ZFAND3: variants seen among roughly 807,000 people sequenced by gnomAD.
ZFAND3 encodes the protein AN1-type zinc finger protein 3.
ZFAND3 carries 10 observed loss-of-function variants against 29.6 expected under a neutral mutation model. That is an observed-to-expected ratio of 0.34 (90% CI 0.21 to 0.57). The LOEUF (loss-of-function observed/expected upper bound fraction) is 0.57, where lower values mean the gene tolerates loss of function less well. ZFAND3 is among the 20% of genes least tolerant of loss of function. ZFAND3 has a pLI of 0.86. For missense variants in ZFAND3, 230 were observed against 304.5 expected (o/e 0.76, Z 1.82); for synonymous variants, 128 against 112.6 (o/e 1.14, Z -0.87).
At chr6:37,831,099 G>C (rs939488579) in intron 1 of ZFAND3, among the ~76,000 whole-genome samples, 2 of 152,180 alleles carry the variant, frequency 1.3e-5, no homozygotes, top group African/African-American at 4.8e-5. Context: ...AATCAAAGAC[G>C]TGAGTTTACC....
intron 1 of ZFAND3, among the ~76,000 whole-genome samples, chr6:37,876,479 AAAATATAGAAG>A (rs1302755443): frequency 6.6e-6 from 1 of 152,228 alleles, no homozygotes; most frequent in African/African-American, 2.4e-5. Context: ...GACTGCCAAT[AAAATATAGAAG>A]AAAATAGAGA....
At chr6:37,893,042 TACAC>T (rs144349192) in intron 1 of ZFAND3, among the ~76,000 whole-genome samples, 10 of 151,582 alleles carry the variant, frequency 6.6e-5, no homozygotes, top group Non-Finnish European at 1.2e-4. Context: ...ATACCAGTTC[TACAC>T]ACACACACAC....
At chr6:37,995,789 C>A (rs1762839377) in intron 2 of ZFAND3, among the ~76,000 whole-genome samples, 1 of 151,876 alleles carries the variant, frequency 6.6e-6, no homozygotes, top group Non-Finnish European at 1.5e-5. Context: ...TTAAAGGAAA[C>A]TATCAAATTA....
At chr6:38,089,970 C>T (rs753065758) in intron 4 of ZFAND3, among the ~76,000 whole-genome samples, 5 of 152,194 alleles carry the variant, frequency 3.3e-5, no homozygotes, top group Admixed American at 6.5e-5. Flanking sequence ...TCTCCTGCCT[C>T]AGCCTCCTGA....
chr6:38,153,346 G>A lies in ZFAND3; in HGVS notation c.*957G>A. ...GCAGCTGGGGAAGCTGCCGCCCACG[G>A]GCTCTGCCCCTTCCAGCTGGAGCCG... On this transcript the variant is annotated 3_prime_UTR_variant, in exon 6 of 6. Coordinates refer to ENST00000287218, the MANE Select transcript of ZFAND3 (RefSeq NM_021943.3). 1.0e-6 allele frequency: 1 copy of A among 985,496 alleles called. No individual in the cohort carries two copies. Among genetic ancestry groups the A allele is most frequent in the Non-Finnish European group, 1.2e-6 (1 of 829,956 alleles). The allele number at this position is 985,496 out of a possible 1,614,324, so 61.0% of individuals were successfully genotyped here.
In ZFAND3 at chr6:38,054,590, A is replaced by C. The variant is rs1764097967; in HGVS notation, c.113-7003A>C. On this transcript the variant is annotated intron_variant, in intron 2 of 5. Transcript: ENST00000287218. ...TTTTTAAAGAGAAGGAATCGCCATG[A>C]GAGGTTGGGTGAGAATCTGATAGGT... Among the ~76,000 whole-genome samples the C allele has an allele frequency of 2.0e-5, 3 of 152,290 alleles. No homozygotes were observed. The South Asian group carries it at 6.2e-4, about 32-fold the overall frequency.
In ZFAND3 at chr6:37,993,192, A is replaced by C. The variant is rs182395782; in HGVS notation, c.112+63193A>C. On this transcript the variant is annotated intron_variant, in intron 2 of 5. Transcript: ENST00000287218. The stretch of plus-strand genomic sequence containing the variant: ...GTGTCTTTTTAATCTAGAAAAAAAA[A>C]CAGGTTATTTAATAGCCTATGTCAC... Among the ~76,000 whole-genome samples the C allele has an allele frequency of 5.3e-4, 81 of 152,294 alleles. 1 individual carries two copies. The highest frequency in any genetic ancestry group is 1.0e-3 in the African/African-American group (43 of 41,560).
intron 2 of ZFAND3, among the ~76,000 whole-genome samples, chr6:38,039,890 G>GT (rs1043022708): frequency 7.9e-5 from 12 of 152,062 alleles, no homozygotes; most frequent in Non-Finnish European, 1.5e-4. Flanking sequence ...TCTGTGCTTT[G>GT]TTTTTAATAT....
At chr6:37,984,122 A>G (rs1323328675) in intron 2 of ZFAND3, among the ~76,000 whole-genome samples, 1 of 152,208 alleles carries the variant, frequency 6.6e-6, no homozygotes, top group Non-Finnish European at 1.5e-5. Flanking sequence ...AACATGTTTC[A>G]AGATATAGGA....
chr6:38,144,184 A>AATATATATATATATAT (rs1554183921), intron 5 of ZFAND3, among the ~76,000 whole-genome samples: 7 of 42,538 alleles, frequency 1.6e-4, no homozygotes, highest in South Asian at 1.0e-3. Flanking sequence ...ATATATATAT[A>AATATATATATATATAT]ATATATATAT....
intron 5 of ZFAND3, among the ~76,000 whole-genome samples, chr6:38,149,120 T>C (rs981863790): frequency 1.3e-5 from 2 of 152,058 alleles, no homozygotes; most frequent in Non-Finnish European, 2.9e-5. Context: ...CCTCTCAAAG[T>C]GCTGGGATTA....
chr6:37,926,259 A>G (rs1581767091), intron 1 of ZFAND3, among the ~76,000 whole-genome samples: 1 of 152,240 alleles, frequency 6.6e-6, no homozygotes, highest in African/African-American at 2.4e-5. Context: ...AAATTACCAC[A>G]AAGTTGGTGA....
intron 4 of ZFAND3, among the ~76,000 whole-genome samples, chr6:38,095,406 C>T (rs1207311138): frequency 1.3e-5 from 2 of 152,150 alleles, no homozygotes; most frequent in Non-Finnish European, 2.9e-5. Context: ...CAGGTCCCCC[C>T]ACCCCTGGCA....
chr6:38,101,063 G>T (rs921892552), intron 4 of ZFAND3, among the ~76,000 whole-genome samples: 1 of 152,208 alleles, frequency 6.6e-6, no homozygotes, highest in Non-Finnish European at 1.5e-5. Flanking sequence ...TAGTATGGTG[G>T]ATCACAATGT....
At chr6:37,970,989 T>G (rs976994041) in intron 2 of ZFAND3, among the ~76,000 whole-genome samples, 2 of 152,262 alleles carry the variant, frequency 1.3e-5, no homozygotes, top group African/African-American at 4.8e-5. Flanking sequence ...TGAATATCCT[T>G]AGTCTTTCTG....
chr6:38,128,499 CCT>C (rs1427729685), intron 5 of ZFAND3, among the ~76,000 whole-genome samples: 6 of 152,172 alleles, frequency 3.9e-5, no homozygotes, highest in African/African-American at 1.4e-4. Context: ...ACCCTTTCCC[CCT>C]GAGTCTCCAA....
chr6:38,127,949 A>G (rs1488147717), intron 5 of ZFAND3, among the ~76,000 whole-genome samples: 13 of 152,134 alleles, frequency 8.5e-5, no homozygotes, highest in Admixed American at 5.9e-4. Context: ...AACCCAGACT[A>G]TCTCTTCTGA....
At chr6:38,089,426 C>T (rs1041306455) in intron 4 of ZFAND3, among the ~76,000 whole-genome samples, 2 of 152,108 alleles carry the variant, frequency 1.3e-5, no homozygotes, top group Admixed American at 6.5e-5. Flanking sequence ...CCACACCCAG[C>T]CTTGACTCAC....
At chr6:38,041,673 CTT>C (rs1561976731) in intron 2 of ZFAND3, among the ~76,000 whole-genome samples, 365 of 24,806 alleles carry the variant, frequency 0.015, 7 homozygotes, top group Non-Finnish European at 0.022. Flanking sequence ...TCTTCTTCTT[CTT>C]CTTCTTCTTC....
Sources: gnomAD v4.1 joint callset for allele counts (sites outside exome capture counted in the v4.1 genomes callset) on GRCh38, gnomAD v4.1.1 for gene constraint, MANE v1.5 for transcripts, NCBI Gene and HGNC (gene_info 2026-07-23, HGNC 2026-07-21) for gene names.